PATJ: variants seen among roughly 807,000 people sequenced by gnomAD.
PATJ encodes the protein PATJ crumbs cell polarity complex component, also known as inaD-like protein.
PATJ carries 190 observed loss-of-function variants against 224.9 expected under a neutral mutation model. The ratio of observed to expected loss-of-function variants is 0.84; its 90% CI spans 0.75 to 0.95. The LOEUF (loss-of-function observed/expected upper bound fraction) is 0.95. Among genes scored for constraint, PATJ ranks in the 40% least tolerant of loss-of-function variants. The pLI is 0.00. For missense variants in PATJ, 2,121 were observed against 2,270.3 expected (o/e 0.93, Z 1.34); for synonymous variants, 769 against 820.3 (o/e 0.94, Z 1.07).
At chr1:61,873,756 C>T (rs1280962788) in intron 20 of PATJ, among the ~76,000 whole-genome samples, 3 of 152,134 alleles carry the variant, frequency 2.0e-5, no homozygotes, top group East Asian at 1.9e-4. Context: ...ATGTTTTGTA[C>T]AGATAAGGGA....
At chr1:61,803,181 A>G (rs1007251824) in intron 12 of PATJ, among the ~76,000 whole-genome samples, 2 of 152,178 alleles carry the variant, frequency 1.3e-5, no homozygotes, top group African/African-American at 4.8e-5. Flanking sequence ...TCGTATCACC[A>G]TTACACTTAT....
intron 11 of PATJ, among the ~76,000 whole-genome samples, chr1:61,800,036 A>G (rs1652151424): frequency 6.6e-6 from 1 of 152,218 alleles, no homozygotes; most frequent in South Asian, 2.1e-4. Context: ...GCTTTTGCAA[A>G]TAGTGCTGAA....
chr1:61,965,539 C>T (rs79975004), intron 27 of PATJ, among the ~76,000 whole-genome samples: 10,485 of 152,208 alleles, frequency 0.069, 1,077 homozygotes, highest in African/African-American at 0.22. Flanking sequence ...ACGTTGTCAA[C>T]CAGTGGAACC....
intron 4 of PATJ, among the ~76,000 whole-genome samples, chr1:61,768,472 A>AAAATAAATAAATAAATAAATAAAT (rs141005824): frequency 8.8e-4 from 131 of 149,412 alleles, no homozygotes; most frequent in Admixed American, 2.1e-3. Context: ...TCCGTCTCAA[A>AAAATAAATAAATAAATAAATAAAT]AAATAAATAA....
At chr1:62,158,935 G>A (rs984284958) in intron 43 of PATJ, among the ~76,000 whole-genome samples, 4 of 152,066 alleles carry the variant, frequency 2.6e-5, no homozygotes, top group Non-Finnish European at 5.9e-5. Flanking sequence ...GGCGACAAGA[G>A]TGAAACTCCT....
rs531867585 is a variant in PATJ at position 62,032,458 on chromosome 1, C to G, written c.3960-5519C>G. On this transcript the variant is annotated intron_variant, in intron 29 of 43. Transcript: ENST00000642238. ...AGGTCAGGTCCAAACTGATAATCTC[C>G]CTTTATCTTACAGTCAGCTGTGACT... Among the ~76,000 whole-genome samples, 8 of 152,192 alleles carry G rather than the reference C, an allele frequency of 5.3e-5. No individual in the cohort carries two copies. In the South Asian group the frequency reaches 1.7e-3, roughly 32 times the overall value.
intron 21 of PATJ, among the ~76,000 whole-genome samples, chr1:61,883,703 T>C (rs10889263): frequency 0.98 from 147,971 of 150,228 alleles, 72,909 homozygotes; most frequent in East Asian, 1. Flanking sequence ...TTGCAGTGAG[T>C]CAAGATCACA....
intron 17 of PATJ, among the ~76,000 whole-genome samples, chr1:61,838,511 C>G (rs375543082): frequency 6.7e-6 from 1 of 149,640 alleles, no homozygotes; most frequent in African/African-American, 2.5e-5. Flanking sequence ...CCTGCTACCA[C>G]GCCTGGCTAA....
intron 21 of PATJ, among the ~76,000 whole-genome samples, chr1:61,879,135 T>G (rs1292465090): frequency 3.9e-5 from 6 of 152,206 alleles, no homozygotes; most frequent in African/African-American, 1.4e-4. Context: ...CATATTCTTA[T>G]AAACATGATA....
At chr1:61,884,451 GTTTTTTT>G (rs72229771) in intron 22 of PATJ, 43 bp downstream of exon 22, 19,714 of 629,194 alleles carry the variant, frequency 0.031, 6 homozygotes, top group East Asian at 0.047. Flanking sequence ...TAAAATAGTG[GTTTTTTT>G]TTTTTTTTTT....
At chr1:61,988,626 T>A (rs1644893878) in intron 27 of PATJ, among the ~76,000 whole-genome samples, 1 of 152,234 alleles carries the variant, frequency 6.6e-6, no homozygotes, top group South Asian at 2.1e-4. Flanking sequence ...GTTCAGTGAG[T>A]GTTCTTTAAG....
chr1:61,931,175 T>A (rs1675976329), intron 27 of PATJ, among the ~76,000 whole-genome samples: 1 of 152,196 alleles, frequency 6.6e-6, no homozygotes, highest in African/African-American at 2.4e-5. Flanking sequence ...ATTTATAAAG[T>A]TTATTCAGAT....
chr1:62,158,761 C>A (rs1328753362), intron 43 of PATJ, among the ~76,000 whole-genome samples: 1 of 142,582 alleles, frequency 7.0e-6, no homozygotes, highest in Admixed American at 7.2e-5. Context: ...CCAGCTTGGC[C>A]AACATAGTGA....
At chr1:61,920,443 G>C (rs1370480448) in intron 26 of PATJ, among the ~76,000 whole-genome samples, 3 of 152,058 alleles carry the variant, frequency 2.0e-5, no homozygotes, top group African/African-American at 7.2e-5. Flanking sequence ...GAGGTGACTT[G>C]CTCCTCCTTG....
At chr1:61,783,397 C>G (rs74497943) in intron 7 of PATJ, among the ~76,000 whole-genome samples, 1 of 149,130 alleles carries the variant, frequency 6.7e-6, no homozygotes, top group Non-Finnish European at 1.5e-5. Context: ...GTATTTGGTG[C>G]CTTTTTTTTT....
intron 25 of PATJ, among the ~76,000 whole-genome samples, chr1:61,912,709 G>A (rs1402963824): frequency 1.5e-5 from 2 of 136,296 alleles, no homozygotes; most frequent in South Asian, 2.9e-4. Flanking sequence ...GGGAGGGGAA[G>A]GTAGAGAGGA....
At chr1:62,027,868 C>T (rs1648329065) in intron 29 of PATJ, among the ~76,000 whole-genome samples, 1 of 151,786 alleles carries the variant, frequency 6.6e-6, no homozygotes, top group African/African-American at 2.4e-5. Context: ...GGAGTCTTTA[C>T]ATATTGTAGA....
chr1:62,141,117 TG>T (rs1667456638), intron 41 of PATJ, among the ~76,000 whole-genome samples: 1 of 152,062 alleles, frequency 6.6e-6, no homozygotes, highest in African/African-American at 2.4e-5. Flanking sequence ...TGCATCTTCT[TG>T]TCCCACTGTC....
At chr1:61,759,142 C>T (rs748649435) in intron 1 of PATJ, among the ~76,000 whole-genome samples, 10 of 152,322 alleles carry the variant, frequency 6.6e-5, no homozygotes, top group South Asian at 2.1e-4. Flanking sequence ...CAACCCAGGA[C>T]GGCTTTGAAT....
Sources: gnomAD v4.1 joint callset for allele counts (sites outside exome capture counted in the v4.1 genomes callset) on GRCh38, gnomAD v4.1.1 for gene constraint, MANE v1.5 for transcripts, NCBI Gene and HGNC (gene_info 2026-07-23, HGNC 2026-07-21) for gene names.